OXR1: variants seen among roughly 807,000 people sequenced by gnomAD.
OXR1 encodes the protein oxidation resistance 1, also known as oxidation resistance protein 1.
Under a neutral mutation model 104.6 loss-of-function variants are expected in OXR1, and 41 were observed. The observed-to-expected ratio is 0.39, with a 90% CI of 0.31 to 0.51. The LOEUF (loss-of-function observed/expected upper bound fraction) is 0.51. Ranked by LOEUF, OXR1 falls within the 20% of genes least tolerant of loss-of-function variation. The pLI is 0.77. For synonymous variants in OXR1, 348 were observed against 348.4 expected, an observed-to-expected ratio of 1.00 and a Z score of 0.01; for missense variants, 955 against 1,031.9, an observed-to-expected ratio of 0.93 and a Z score of 1.02.
intron 11 of OXR1, among the ~76,000 whole-genome samples, chr8:106,729,081 A>G (rs924341071): frequency 1.3e-5 from 2 of 152,198 alleles, no homozygotes; most frequent in African/African-American, 4.8e-5. Flanking sequence ...AATAACTATA[A>G]TGATAAAAAT....
At chr8:106,312,596 T>C (rs1813754172) in intron 1 of OXR1, among the ~76,000 whole-genome samples, 1 of 152,246 alleles carries the variant, frequency 6.6e-6, no homozygotes, top group South Asian at 2.1e-4. Flanking sequence ...ACTGGATGTT[T>C]ACTCAGGCTC....
chr8:106,302,573 A>C (rs1200388776), intron 1 of OXR1, among the ~76,000 whole-genome samples: 1 of 132,556 alleles, frequency 7.5e-6, no homozygotes, highest in Non-Finnish European at 1.6e-5. Context: ...GCGACAGAGC[A>C]AGATGCTGTC....
intron 15 of OXR1, among the ~76,000 whole-genome samples, chr8:106,744,708 G>C (rs979049587): frequency 1.3e-5 from 2 of 152,146 alleles, no homozygotes; most frequent in Non-Finnish European, 2.9e-5. Context: ...ATGAATTTTA[G>C]TGAATGTGTG....
chr8:106,480,678 T>G (rs922929147), intron 2 of OXR1, among the ~76,000 whole-genome samples: 12 of 151,896 alleles, frequency 7.9e-5, no homozygotes, highest in Non-Finnish European at 1.8e-4. Flanking sequence ...GCTCCAACAA[T>G]GGGGGAGGTA....
chr8:106,634,401 T>C (rs904681877), intron 3 of OXR1, among the ~76,000 whole-genome samples: 6 of 152,174 alleles, frequency 3.9e-5, no homozygotes, highest in African/African-American at 1.4e-4. Flanking sequence ...AAAATCAAGT[T>C]ATAGTAGCAT....
At chr8:106,387,152 C>G (rs372017073) in intron 2 of OXR1, among the ~76,000 whole-genome samples, 8 of 152,244 alleles carry the variant, frequency 5.3e-5, no homozygotes, top group East Asian at 1.9e-4. Context: ...TGCCATGCCT[C>G]TTACATATAA....
At chr8:106,471,903 A>G (rs78623438) in intron 2 of OXR1, among the ~76,000 whole-genome samples, 2,508 of 151,918 alleles carry the variant, frequency 0.017, 61 homozygotes, top group African/African-American at 0.057. Flanking sequence ...TGCTTCACCT[A>G]GTGTTAATAT....
At chr8:106,450,571 CTCT>C (rs1447968421) in intron 2 of OXR1, among the ~76,000 whole-genome samples, 2 of 152,122 alleles carry the variant, frequency 1.3e-5, no homozygotes, top group Non-Finnish European at 2.9e-5. Flanking sequence ...TAAGAGTCTG[CTCT>C]TCTTGGCTGA....
chr8:106,525,604 T>C (rs753646165), intron 3 of OXR1, among the ~76,000 whole-genome samples: 1 of 152,212 alleles, frequency 6.6e-6, no homozygotes, highest in Non-Finnish European at 1.5e-5. Context: ...CTCTGCAACT[T>C]CGTAGAAAAG....
intron 3 of OXR1, among the ~76,000 whole-genome samples, chr8:106,551,119 G>A (rs1416249379): frequency 6.6e-6 from 1 of 152,162 alleles, no homozygotes; most frequent in East Asian, 1.9e-4. Context: ...TTTAATTGGA[G>A]TAATGTAATT....
intron 1 of OXR1, among the ~76,000 whole-genome samples, chr8:106,350,939 A>AGATTT (rs1346774349): frequency 6.6e-6 from 1 of 152,224 alleles, no homozygotes; most frequent in Non-Finnish European, 1.5e-5. Flanking sequence ...GGGGCAAAAC[A>AGATTT]GATTTGAAAA....
chr8:106,478,210 T>C (rs948925652), intron 2 of OXR1, among the ~76,000 whole-genome samples: 5 of 151,900 alleles, frequency 3.3e-5, no homozygotes, highest in Non-Finnish European at 7.4e-5. Flanking sequence ...TAACTGGTCA[T>C]TCTACAAAGA....
intron 1 of OXR1, among the ~76,000 whole-genome samples, chr8:106,358,921 C>A (rs1401057999): frequency 6.6e-6 from 1 of 151,936 alleles, no homozygotes; most frequent in Non-Finnish European, 1.5e-5. Flanking sequence ...ATTTAATTCA[C>A]TAAATAATTT....
At chr8:106,476,712 G>T (rs1389878153) in intron 2 of OXR1, among the ~76,000 whole-genome samples, 1 of 152,054 alleles carries the variant, frequency 6.6e-6, no homozygotes, top group East Asian at 1.9e-4. Flanking sequence ...GTCAGCAGAA[G>T]CTGTTTCTCC....
intron 1 of OXR1, among the ~76,000 whole-genome samples, chr8:106,358,932 A>G (rs1395193847): frequency 6.6e-6 from 1 of 152,192 alleles, no homozygotes; most frequent in Non-Finnish European, 1.5e-5. Context: ...TAAATAATTT[A>G]GTGAATAATT....
chr8:106,748,130 A>T (rs1343737986), intron 16 of OXR1, among the ~76,000 whole-genome samples: 1 of 152,206 alleles, frequency 6.6e-6, no homozygotes, highest in African/African-American at 2.4e-5. Flanking sequence ...TTGTCATAAG[A>T]CCATAAACTT....
chr8:106,697,559 G>C, intron 7 of OXR1: 1 of 1,611,476 alleles, frequency 6.2e-7, no homozygotes, highest in East Asian at 2.2e-5. Flanking sequence ...GATTTCTTAG[G>C]GAACCAGTTG....
chr8:106,390,174 T>C (rs1817536757), intron 2 of OXR1, among the ~76,000 whole-genome samples: 6 of 152,210 alleles, frequency 3.9e-5, no homozygotes, highest in Admixed American at 2.6e-4. Flanking sequence ...AATGTTATAA[T>C]AAGTAATATA....
At chr8:106,275,193 G>C (rs1259168778) in intron 1 of OXR1, among the ~76,000 whole-genome samples, 1 of 152,236 alleles carries the variant, frequency 6.6e-6, no homozygotes, top group Admixed American at 6.5e-5. Flanking sequence ...CAGTTACATG[G>C]ATTTCTGTAC....
Sources: allele counts gnomAD v4.1 joint callset (sites outside exome capture counted in the v4.1 genomes callset), GRCh38; gene constraint gnomAD v4.1.1; transcripts MANE v1.5; gene names NCBI Gene and HGNC (gene_info 2026-07-23, HGNC 2026-07-21).